Variants in PDE4DIP observed in about 807,000 individuals in gnomAD.
The protein encoded by PDE4DIP is myomegalin.
PDE4DIP carries 59 observed loss-of-function variants against 221.4 expected under a neutral mutation model. That is an observed-to-expected ratio of 0.27 (90% CI 0.22 to 0.33). PDE4DIP has a LOEUF of 0.33. Ranked by LOEUF, PDE4DIP falls within the 10% of genes least tolerant of loss-of-function variation. The pLI is 1.00. For synonymous variants in PDE4DIP, 404 were observed against 815.9 expected (o/e 0.50, Z 8.60); for missense variants, 1,036 against 2,154.2 (o/e 0.48, Z 10.28).
intron 1 of PDE4DIP, among the ~76,000 whole-genome samples, chr1:148,917,088 CT>C (rs1553458944): frequency 6.8e-6 from 1 of 147,538 alleles, no homozygotes; most frequent in East Asian, 2.0e-4. Flanking sequence ...GAGATTGGTT[CT>C]GCTAAGGAAT....
intron 43 of PDE4DIP, chr1:149,031,051 G>A: frequency 3.2e-6 from 1 of 314,200 alleles, no homozygotes; most frequent in Non-Finnish European, 4.6e-6. Flanking sequence ...TAACCTGAGA[G>A]AATGTTGATC....
chr1:148,871,007 T>C (rs1553413483), intron 3 of PDE4DIP, among the ~76,000 whole-genome samples: 1 of 135,078 alleles, frequency 7.4e-6, no homozygotes, highest in Non-Finnish European at 1.6e-5. Flanking sequence ...GGTTGACTCC[T>C]CCAGGGCTTA....
At chr1:148,940,387 T>A (rs1434516669) in intron 5 of PDE4DIP, among the ~76,000 whole-genome samples, 1 of 152,226 alleles carries the variant, frequency 6.6e-6, no homozygotes, top group African/African-American at 2.4e-5. Flanking sequence ...CTAATAAAAA[T>A]TTATTGTTGT....
At chr1:148,985,547 A>T (rs2061766240) in intron 21 of PDE4DIP, 1 of 152,168 alleles carries the variant, frequency 6.6e-6, no homozygotes, top group African/African-American at 2.4e-5. Flanking sequence ...CTGGGCCAAG[A>T]TCAATTTTCT....
In PDE4DIP at chr1:148,963,789, T is replaced by C. The variant is rs587726868; in HGVS notation, c.1194+1149T>C. ...TTTTTTTTGAGACAGAGTCTCGCTC[T>C]GTCGCCCAGGCTGGAGTACAGTGGC... is the stretch of plus-strand genomic sequence containing the variant. On this transcript the variant is annotated intron_variant, in intron 9 of 43. Transcript: ENST00000369354. Among the ~76,000 whole-genome samples the C allele has an allele frequency of 6.1e-3, 746 of 122,642 alleles. 5 individuals carry two copies. Among genetic ancestry groups the C allele is most frequent in the Non-Finnish European group, 0.01 (600 of 59,920 alleles). The allele number at this position is 122,642 out of a possible 152,430, so 80.5% of individuals were successfully genotyped here.
chr1:149,011,124 G>A lies in PDE4DIP; in HGVS notation c.5080+529G>A, dbSNP rs587706111. ...TTGATATGTACATAGTGCATATCTTGGGGGCAGTTAAAGGGGTGCATTTCA... is the reference window on the plus strand; with the variant it reads ...TTGATATGTACATAGTGCATATCTTAGGGGCAGTTAAAGGGGTGCATTTCA... On this transcript the variant is annotated intron_variant, in intron 31 of 43. Transcript: ENST00000369354. Among the ~76,000 whole-genome samples, 2 of 151,872 alleles carry A rather than the reference G, an allele frequency of 1.3e-5. 1 individual carries two copies. Among genetic ancestry groups the A allele is most frequent in the South Asian group, 4.2e-4 (2 of 4,800 alleles).
At chr1:148,953,629 G>A (rs377102371) in intron 5 of PDE4DIP, 5 of 1,481,026 alleles carry the variant, frequency 3.4e-6, no homozygotes, top group African/African-American at 1.4e-5. Context: ...CGCAGCATGG[G>A]TGTAATCACA....
At chr1:148,919,239 TA>T (rs2044845906) in intron 1 of PDE4DIP, among the ~76,000 whole-genome samples, 1 of 150,748 alleles carries the variant, frequency 6.6e-6, no homozygotes, top group Non-Finnish European at 1.5e-5. Context: ...CACATAAGCG[TA>T]AAAGATGAGT....
exon 41 of PDE4DIP, chr1:149,028,658 A>C: frequency 1.2e-6 from 2 of 1,601,126 alleles, no homozygotes; most frequent in Non-Finnish European, 1.7e-6. Flanking sequence ...TGTTCTGGAG[A>C]GCGGCCCTGC....
chr1:148,977,425 G>A (rs587744341), intron 17 of PDE4DIP, among the ~76,000 whole-genome samples: 1 of 110,022 alleles, frequency 9.1e-6, no homozygotes, highest in East Asian at 2.5e-4. Context: ...TTTAGGGCAT[G>A]TAGTGCCAAC....
At position 148,927,462 on chromosome 1, in the gene PDE4DIP, AT is replaced by A. The variant is rs1251193442; in HGVS notation, c.142-1733del. Among the ~76,000 whole-genome samples the A allele has an allele frequency of 2.6e-5, 4 of 152,114 alleles. No individual in the cohort carries two copies. The East Asian group carries it at 7.7e-4, about 29-fold the overall frequency. On this transcript the variant is annotated intron_variant, in intron 1 of 43. Transcript: ENST00000369354. ...CTAAACTAGGTTTCTACTTTTCCCA[AT>A]TAGTATTTGTGTTTCGACCACCCTG...
intron 12 of PDE4DIP, among the ~76,000 whole-genome samples, chr1:148,967,345 A>G (rs1343394640): frequency 3.3e-5 from 5 of 151,808 alleles, no homozygotes; most frequent in Admixed American, 6.6e-5. Context: ...TGTCTTCTAC[A>G]TTAATATTAT....
intron 35 of PDE4DIP, chr1:149,019,387 G>A (rs1304861459): frequency 6.8e-6 from 1 of 147,264 alleles, no homozygotes; most frequent in Admixed American, 6.8e-5. Context: ...AAAGGATTAA[G>A]CCCAGAATGA....
At position 149,032,444 on chromosome 1, in the gene PDE4DIP, T is replaced by G. The variant is rs1699761; in HGVS notation, c.*459T>G. The G allele has an allele frequency of 8.4e-3, 3,463 of 410,970 alleles. 19 individuals carry two copies. Among genetic ancestry groups the G allele is most frequent in the South Asian group, 0.01 (374 of 36,734 alleles). The allele number at this position is 410,970 out of a possible 1,614,324, so 25.5% of individuals were successfully genotyped here. A position where few individuals can be genotyped will look rare whatever the true frequency, so the allele number is the denominator to read the frequency against. On this transcript the variant is annotated 3_prime_UTR_variant, in exon 44 of 44. Transcript: ENST00000369354. ...CTGGCAGGTTCTAAAAGCACACTAC[T>G]GAGCAGCGGTGCCCTGCCGGACACT...
intron 40 of PDE4DIP, among the ~76,000 whole-genome samples, chr1:149,028,260 CT>C (rs1433951608): frequency 1.1e-4 from 17 of 148,572 alleles, no homozygotes; most frequent in Admixed American, 1.1e-3. Flanking sequence ...AGAAGTCATC[CT>C]CTGTGCTGTG....
intron 17 of PDE4DIP, among the ~76,000 whole-genome samples, chr1:148,976,269 G>A (rs1272852477): frequency 3.9e-5 from 6 of 152,234 alleles, no homozygotes; most frequent in African/African-American, 1.4e-4. Flanking sequence ...AAAATAACTT[G>A]TCTTACCATA....
rs1157512615 is a variant in PDE4DIP at position 148,923,611 on chromosome 1, C to G, written c.142-5586C>G. Among the ~76,000 whole-genome samples, 3 of 144,786 alleles carry G rather than the reference C, an allele frequency of 2.1e-5. 1 individual carries two copies. Among genetic ancestry groups the G allele is most frequent in the African/African-American group, 8.0e-5 (3 of 37,408 alleles). The allele number at this position is 144,786 out of a possible 152,430, so 95.0% of individuals were successfully genotyped here. A position where few individuals can be genotyped will look rare whatever the true frequency, so the allele number is the denominator to read the frequency against. On this transcript the variant is annotated intron_variant, in intron 1 of 43. Coordinates refer to ENST00000369354, the Ensembl canonical transcript of PDE4DIP. ...GCCTCAGCCTCTCAAGTAGCTGGGA[C>G]TACAGGAGCCCGCCACCGCTCCCGG... is the stretch of plus-strand genomic sequence containing the variant.
At chr1:148,981,468 C>T (rs1553543114) in intron 21 of PDE4DIP, 71 bp downstream of exon 24, 1 of 1,597,570 alleles carries the variant, frequency 6.3e-7, no homozygotes. Context: ...AGACTGCAGC[C>T]CAGGATGGAA....
intron 41 of PDE4DIP, among the ~76,000 whole-genome samples, chr1:149,029,374 A>T (rs1553633809): frequency 1.3e-5 from 2 of 152,198 alleles, no homozygotes; most frequent in African/African-American, 2.4e-5. Flanking sequence ...TGTTGGCACA[A>T]ATATTTACAA....
Sources: allele counts gnomAD v4.1 joint callset (sites outside exome capture counted in the v4.1 genomes callset), GRCh38; gene constraint gnomAD v4.1.1; transcripts MANE v1.5; gene names NCBI Gene and HGNC (gene_info 2026-07-23, HGNC 2026-07-21).